The following RAPGEF2 variants were observed in gnomAD, a reference collection of about 807,000 sequenced individuals.
The protein encoded by RAPGEF2 is PDZ domain containing guanine nucleotide exchange factor (GEF) 1.
Under a neutral mutation model 186.7 loss-of-function variants are expected in RAPGEF2, and 54 were observed. That is an observed-to-expected ratio of 0.29 (90% CI 0.23 to 0.36). The LOEUF is 0.36. RAPGEF2 is among the 10% of genes least tolerant of loss of function. The probability of loss-of-function intolerance (pLI) is 1.00; values close to 1 mark genes in which losing one functional copy is unlikely to be tolerated. For synonymous variants in RAPGEF2, 712 were observed against 705.9 expected (o/e 1.01, Z -0.14); for missense variants, 1,532 against 2,045.0 (o/e 0.75, Z 4.84).
At chr4:159,338,605 A>G in intron 18 of RAPGEF2, 137 bp downstream of exon 18, 1 of 960,476 alleles carries the variant, frequency 1.0e-6, no homozygotes, top group Non-Finnish European at 1.5e-6. Context: ...TTAAACTTTA[A>G]GATTTTTGAA....
At chr4:159,357,986 TAAGTGAG>T (rs1430962534) in intron 29 of RAPGEF2, 121 bp from the exon 30 acceptor site, 1 of 903,492 alleles carries the variant, frequency 1.1e-6, no homozygotes, top group African/African-American at 1.7e-5. Context: ...ACAAGGATTC[TAAGTGAG>T]CTATACTAAA....
At chr4:159,254,600 CTTTTTTT>C (rs34644510) in intron 7 of RAPGEF2, among the ~76,000 whole-genome samples, 26 of 124,564 alleles carry the variant, frequency 2.1e-4, no homozygotes, top group South Asian at 7.7e-4. Context: ...TACAGCATGA[CTTTTTTT>C]TTTTTTTTTT....
intron 2 of RAPGEF2, among the ~76,000 whole-genome samples, chr4:159,188,267 A>G (rs892183862): frequency 1.3e-5 from 2 of 152,242 alleles, no homozygotes; most frequent in African/African-American, 2.4e-5. Context: ...CACACATGTA[A>G]TATTTAGATA....
At chr4:159,330,775 G>T in intron 13 of RAPGEF2, 1 of 332,066 alleles carries the variant, frequency 3.0e-6, no homozygotes, top group Non-Finnish European at 5.4e-6. Context: ...AGTTCTGTTG[G>T]GAGTGTGTTA....
chr4:159,342,422 GAAA>G (rs532993258), intron 20 of RAPGEF2, among the ~76,000 whole-genome samples: 283 of 148,440 alleles, frequency 1.9e-3, no homozygotes, highest in African/African-American at 6.5e-3. Flanking sequence ...GAGGTTAGAA[GAAA>G]AAAAAATGGC....
chr4:159,162,676 A>G (rs887955468), intron 1 of RAPGEF2, among the ~76,000 whole-genome samples: 1 of 152,114 alleles, frequency 6.6e-6, no homozygotes, highest in South Asian at 2.1e-4. Context: ...ATTCTAGATT[A>G]TAGCCCTCAG....
chr4:159,145,779 G>A (rs1226544210), intron 1 of RAPGEF2, among the ~76,000 whole-genome samples: 1 of 152,218 alleles, frequency 6.6e-6, no homozygotes, highest in Non-Finnish European at 1.5e-5. Flanking sequence ...AGGAGCTGGA[G>A]GTACCAAGGG....
At chr4:159,253,431 A>AT (rs1280078694) in intron 7 of RAPGEF2, among the ~76,000 whole-genome samples, 1 of 152,248 alleles carries the variant, frequency 6.6e-6, no homozygotes, top group East Asian at 1.9e-4. Flanking sequence ...ACATTTGTTA[A>AT]TACCACCACA....
chr4:159,273,670 CTTT>C (rs1758451271), intron 7 of RAPGEF2, among the ~76,000 whole-genome samples: 1 of 148,570 alleles, frequency 6.7e-6, no homozygotes, highest in Non-Finnish European at 1.5e-5. Flanking sequence ...TTCTTTCTTT[CTTT>C]CTTTCTTTCT....
chr4:159,219,590 C>T (rs1751334709), intron 4 of RAPGEF2, among the ~76,000 whole-genome samples: 1 of 152,100 alleles, frequency 6.6e-6, no homozygotes, highest in Admixed American at 6.5e-5. Flanking sequence ...CGCCTGACCT[C>T]ATGATCTGCC....
intron 19 of RAPGEF2, 135 bp downstream of exon 19, chr4:159,339,489 T>C: frequency 8.4e-7 from 1 of 1,195,362 alleles, no homozygotes; most frequent in Non-Finnish European, 1.2e-6. Context: ...GTTGTTGTTT[T>C]TTTTTTCCTT....
intron 24 of RAPGEF2, among the ~76,000 whole-genome samples, chr4:159,345,730 T>A (rs191828527): frequency 0.011 from 1,750 of 152,316 alleles, 26 homozygotes; most frequent in African/African-American, 0.039. Context: ...GGCTGCCTTT[T>A]AACCACTAGC....
At chr4:159,260,177 G>A (rs1756645226) in intron 7 of RAPGEF2, among the ~76,000 whole-genome samples, 1 of 151,758 alleles carries the variant, frequency 6.6e-6, no homozygotes, top group Non-Finnish European at 1.5e-5. Context: ...ACGAGGTTTT[G>A]CCATGTTGCC....
chr4:159,248,800 A>G (rs1754959180), intron 7 of RAPGEF2, among the ~76,000 whole-genome samples: 1 of 152,256 alleles, frequency 6.6e-6, no homozygotes, highest in Non-Finnish European at 1.5e-5. Flanking sequence ...AACAGCATGC[A>G]TTGTAAATTC....
chr4:159,124,190 T>G (rs1231241573), intron 1 of RAPGEF2, among the ~76,000 whole-genome samples: 1 of 151,952 alleles, frequency 6.6e-6, no homozygotes, highest in Non-Finnish European at 1.5e-5. Flanking sequence ...AGTTTTTCTT[T>G]CTCAATTGTC....
chr4:159,342,075 T>C lies in RAPGEF2; in HGVS notation c.2918+128T>C. 3 of 934,478 alleles carry C rather than the reference T, an allele frequency of 3.2e-6. No individual in the cohort carries two copies. In the South Asian group the frequency reaches 7.0e-5, roughly 22 times the overall value. 57.9% of individuals were successfully genotyped at this position (934,478 alleles called of 1,614,324 possible). A position where few individuals can be genotyped will look rare whatever the true frequency, so the allele number is the denominator to read the frequency against. The stretch of plus-strand genomic sequence containing the variant: ...AATTGACTCATAAGAGACAATTCTT[T>C]TTCTCTGAATCCTAACCTTAATCCT... On this transcript the variant is annotated intron_variant, in intron 20 of 29. Transcript: ENST00000691494.
chr4:159,351,016 G>A (rs1303154442), intron 26 of RAPGEF2: 2 of 1,498,260 alleles, frequency 1.3e-6, no homozygotes, highest in Admixed American at 2.0e-5. Flanking sequence ...TCCTGTCCTT[G>A]TTACATGGAT....
At chr4:159,198,709 GTGC>G (rs1749079221) in intron 3 of RAPGEF2, among the ~76,000 whole-genome samples, 1 of 151,762 alleles carries the variant, frequency 6.6e-6, no homozygotes, top group Non-Finnish European at 1.5e-5. Context: ...GCCTCCCAAA[GTGC>G]TGGGATTACA....
chr4:159,334,629 TA>T (rs1561300429), intron 17 of RAPGEF2, among the ~76,000 whole-genome samples: 1 of 152,046 alleles, frequency 6.6e-6, no homozygotes, highest in African/African-American at 2.4e-5. Context: ...TAAGAACCTT[TA>T]AAAAAAAGTT....
Sources: gnomAD v4.1 joint callset for allele counts (sites outside exome capture counted in the v4.1 genomes callset) on GRCh38, gnomAD v4.1.1 for gene constraint, MANE v1.5 for transcripts, NCBI Gene and HGNC (gene_info 2026-07-23, HGNC 2026-07-21) for gene names.